Variants in FNDC3A observed in about 807,000 individuals in gnomAD.
FNDC3A encodes fibronectin type-III domain-containing protein 3A.
FNDC3A carries 32 observed loss-of-function variants against 148.9 expected under a neutral mutation model. That is an observed-to-expected ratio of 0.21 (90% CI 0.16 to 0.29). The LOEUF is 0.29. Ranked by LOEUF, FNDC3A falls within the 10% of genes least tolerant of loss-of-function variation. The pLI is 1.00. For missense variants in FNDC3A, 1,191 were observed against 1,452.8 expected (o/e 0.82, Z 2.93); for synonymous variants, 472 against 473.6 (o/e 1.00, Z 0.04).
intron 8 of FNDC3A, among the ~76,000 whole-genome samples, chr13:49,154,200 AG>A (rs949297363): frequency 2.7e-5 from 4 of 150,050 alleles, no homozygotes; most frequent in Non-Finnish European, 4.4e-5. Context: ...CTCATTGAGC[AG>A]TGGTTTGTAG....
chr13:49,198,229 A>G lies in FNDC3A; in HGVS notation c.2738A>G (p.Tyr913Cys), dbSNP rs1353892936. ...CTAACAGTGGGAAAGGTTACAAGCT[A>G]TATTATCAACAATTTGCAACCAGAT... ...QSLTVGKVTS[Y>C]IINNLQPDTT... The change falls in exon 22 of 26, where the codon TAT becomes TGT. Residue 913 changes from tyrosine to cysteine, a missense_variant. Coordinates refer to ENST00000492622, the MANE Select transcript of FNDC3A (RefSeq NM_001079673.2). 7 of 1,614,058 alleles carry G rather than the reference A, an allele frequency of 4.3e-6. No homozygotes were observed. Among genetic ancestry groups the G allele is most frequent in the Non-Finnish European group, 5.9e-6 (7 of 1,179,930 alleles).
At chr13:49,005,732 A>G (rs993416624) in intron 1 of FNDC3A, among the ~76,000 whole-genome samples, 1 of 151,920 alleles carries the variant, frequency 6.6e-6, no homozygotes, top group African/African-American at 2.4e-5. Flanking sequence ...TTGAGTCTTC[A>G]TAATTACCTT....
intron 6 of FNDC3A, among the ~76,000 whole-genome samples, chr13:49,138,157 CA>C (rs1437740446): frequency 1.3e-5 from 2 of 152,144 alleles, no homozygotes; most frequent in African/African-American, 4.8e-5. Flanking sequence ...GCCTCACTAA[CA>C]AATTTCAAAT....
chr13:49,040,576 A>G (rs1034415796), intron 2 of FNDC3A, among the ~76,000 whole-genome samples: 3 of 152,224 alleles, frequency 2.0e-5, no homozygotes, highest in Non-Finnish European at 2.9e-5. Flanking sequence ...TCTGATCTTT[A>G]AAATAGTTGG....
intron 3 of FNDC3A, among the ~76,000 whole-genome samples, chr13:49,088,876 A>G (rs1462113039): frequency 1.3e-5 from 2 of 152,128 alleles, no homozygotes; most frequent in South Asian, 2.1e-4. Flanking sequence ...GTGTTTTCTG[A>G]TGTGTATTAA....
chr13:49,011,632 C>CA (rs1395798654), intron 2 of FNDC3A, among the ~76,000 whole-genome samples: 2 of 151,982 alleles, frequency 1.3e-5, no homozygotes, highest in African/African-American at 2.4e-5. Flanking sequence ...TCTCTCTCTA[C>CA]AAAAAAATTT....
intron 3 of FNDC3A, among the ~76,000 whole-genome samples, chr13:49,076,119 A>G (rs912186995): frequency 6.6e-6 from 1 of 152,014 alleles, no homozygotes; most frequent in East Asian, 1.9e-4. Context: ...CCATCTTCCT[A>G]TGGGAAGATG....
intron 2 of FNDC3A, among the ~76,000 whole-genome samples, chr13:49,035,729 A>G (rs1874443658): frequency 6.6e-6 from 1 of 152,110 alleles, no homozygotes; most frequent in African/African-American, 2.4e-5. Context: ...CTCTTCAAAG[A>G]GTGCCTAACA....
At chr13:49,033,331 A>C (rs79586342) in intron 2 of FNDC3A, among the ~76,000 whole-genome samples, 2,843 of 152,286 alleles carry the variant, frequency 0.019, 94 homozygotes, top group African/African-American at 0.063. Flanking sequence ...AGCCTACCGT[A>C]CATTGGATAA....
Position 49,197,908 on chromosome 13 carries a change from A to C in FNDC3A, c.2490+34A>C, listed in dbSNP as rs41306023. 4.8e-3 allele frequency: 7,679 copies of C among 1,588,922 alleles called. 32 individuals carry two copies. The highest frequency in any genetic ancestry group is 5.8e-3 in the Non-Finnish European group (6,762 of 1,170,402). ...GATCAGTACCTTGTCACTTAACTCT[A>C]TCCAGAGTTTTATATTTCATTGGCA... On this transcript the variant is annotated intron_variant, in intron 21 of 25. Transcript: ENST00000492622.
At chr13:49,093,183 C>T (rs953374204) in intron 3 of FNDC3A, among the ~76,000 whole-genome samples, 1 of 152,140 alleles carries the variant, frequency 6.6e-6, no homozygotes, top group Non-Finnish European at 1.5e-5. Flanking sequence ...GTAGTATACT[C>T]TTTGTAGGCT....
intron 15 of FNDC3A, among the ~76,000 whole-genome samples, chr13:49,186,442 G>A (rs113600197): frequency 7.2e-4 from 109 of 152,248 alleles, no homozygotes; most frequent in African/African-American, 2.0e-3. Context: ...AACATTTATC[G>A]AGCACCTACC....
At chr13:49,147,201 G>T (rs1381168960) in intron 8 of FNDC3A, among the ~76,000 whole-genome samples, 1 of 152,152 alleles carries the variant, frequency 6.6e-6, no homozygotes, top group South Asian at 2.1e-4. Flanking sequence ...TTCTTACTAT[G>T]TTAATGACTG....
intron 4 of FNDC3A, among the ~76,000 whole-genome samples, chr13:49,123,718 C>G (rs1881515066): frequency 6.6e-6 from 1 of 150,906 alleles, no homozygotes. Context: ...CAAAAGAAGA[C>G]ATTTATGTGG....
At chr13:49,013,917 G>A (rs1187678995) in intron 2 of FNDC3A, among the ~76,000 whole-genome samples, 2 of 151,860 alleles carry the variant, frequency 1.3e-5, no homozygotes, top group East Asian at 3.9e-4. Context: ...TCCCCACAAA[G>A]GACATGAACT....
chr13:49,164,522 C>T (rs987616599), intron 8 of FNDC3A, among the ~76,000 whole-genome samples: 5 of 151,966 alleles, frequency 3.3e-5, no homozygotes, highest in East Asian at 1.9e-4. Context: ...TTCTCTTCAC[C>T]GTTTAGGATA....
chr13:49,197,310 C>T (rs1368332100), intron 20 of FNDC3A, among the ~76,000 whole-genome samples: 1 of 152,162 alleles, frequency 6.6e-6, no homozygotes, highest in Non-Finnish European at 1.5e-5. Context: ...TTCTATTTCT[C>T]TTATATTTAT....
intron 19 of FNDC3A, among the ~76,000 whole-genome samples, chr13:49,193,672 C>T (rs969537291): frequency 1.3e-5 from 2 of 152,314 alleles, no homozygotes; most frequent in East Asian, 3.9e-4. Context: ...GTAATCCCAG[C>T]ACTTTGGGAG....
chr13:49,178,700 T>C (rs746525640), intron 14 of FNDC3A, 46 bp downstream of exon 14: 1 of 1,086,574 alleles, frequency 9.2e-7, no homozygotes, highest in Admixed American at 2.5e-5. Context: ...GTTCCTATTC[T>C]TACTGGTGTG....
Sources: allele counts gnomAD v4.1 joint callset (sites outside exome capture counted in the v4.1 genomes callset), GRCh38; gene constraint gnomAD v4.1.1; transcripts MANE v1.5; gene names NCBI Gene and HGNC (gene_info 2026-07-23, HGNC 2026-07-21).